The following NEGR1 variants were observed in gnomAD, a reference collection of about 807,000 sequenced individuals.
NEGR1 encodes neuronal growth regulator 1, also known as IgLON family member 4.
NEGR1 carries 10 observed loss-of-function variants against 40.9 expected under a neutral mutation model. That is an observed-to-expected ratio of 0.24 (90% CI 0.15 to 0.42). The LOEUF (loss-of-function observed/expected upper bound fraction) is 0.42. Among genes scored for constraint, NEGR1 ranks in the 10% least tolerant of loss-of-function variants. The pLI is 1.00. For missense variants in NEGR1, 352 were observed against 438.9 expected (o/e 0.80, Z 1.77); for synonymous variants, 185 against 166.8 (o/e 1.11, Z -0.84).
intron 1 of NEGR1, among the ~76,000 whole-genome samples, chr1:71,962,813 A>T (rs941510870): frequency 6.6e-6 from 1 of 151,306 alleles, no homozygotes; most frequent in East Asian, 1.9e-4. Context: ...TCTTCATCTC[A>T]ACTGAAAAAA....
chr1:72,051,847 T>G (rs777893309), intron 1 of NEGR1, among the ~76,000 whole-genome samples: 2 of 151,492 alleles, frequency 1.3e-5, no homozygotes, highest in Non-Finnish European at 3.0e-5. Flanking sequence ...GCCAGGGTCT[T>G]GAATCACTGC....
intron 2 of NEGR1, among the ~76,000 whole-genome samples, chr1:71,873,250 A>G (rs1660331789): frequency 6.6e-6 from 1 of 151,674 alleles, no homozygotes; most frequent in Non-Finnish European, 1.5e-5. Context: ...TTTGGAAAAC[A>G]TATGTAAATA....
At chr1:72,170,154 A>T (rs935897444) in intron 1 of NEGR1, among the ~76,000 whole-genome samples, 2 of 152,186 alleles carry the variant, frequency 1.3e-5, no homozygotes, top group African/African-American at 2.4e-5. Flanking sequence ...GTTCCTCCAC[A>T]GCGCTCAGGG....
At chr1:71,491,331 G>A (rs1345707928) in intron 6 of NEGR1, among the ~76,000 whole-genome samples, 2 of 152,026 alleles carry the variant, frequency 1.3e-5, no homozygotes, top group Non-Finnish European at 2.9e-5. Context: ...TGATATCCAA[G>A]GGAGGTCTGA....
rs147944885 is a variant in NEGR1 at position 72,257,612 on chromosome 1, A to C, written c.176+24707T>G. 7.6e-3 allele frequency among the ~76,000 whole-genome samples: 1,159 copies of C among 152,284 alleles called. 15 individuals are homozygous for C. The highest frequency in any genetic ancestry group is 0.027 in the African/African-American group (1,114 of 41,554). On this transcript the variant is annotated intron_variant, in intron 1 of 6. Coordinates refer to ENST00000357731, the MANE Select transcript of NEGR1 (RefSeq NM_173808.3). ...ATTAGTAATTTTCTCCAACATGAATAAAGTGAAGGGGCAAAAGGAGAAGGT... is the reference window on the plus strand; with the variant it reads ...ATTAGTAATTTTCTCCAACATGAATCAAGTGAAGGGGCAAAAGGAGAAGGT...
At chr1:71,709,396 G>T (rs1654006909) in intron 3 of NEGR1, among the ~76,000 whole-genome samples, 1 of 152,166 alleles carries the variant, frequency 6.6e-6, no homozygotes, top group South Asian at 2.1e-4. Context: ...TTTATCTAAT[G>T]ATTAGTAATG....
chr1:71,626,055 A>C (rs1478082254), intron 4 of NEGR1, among the ~76,000 whole-genome samples: 1 of 151,792 alleles, frequency 6.6e-6, no homozygotes, highest in Non-Finnish European at 1.5e-5. Context: ...CTAATGCCTG[A>C]TGATCTGAGG....
chr1:71,550,306 A>G (rs935885158), intron 6 of NEGR1, among the ~76,000 whole-genome samples: 1 of 151,646 alleles, frequency 6.6e-6, no homozygotes, highest in African/African-American at 2.4e-5. Flanking sequence ...TATAAATGGC[A>G]TAATATTTTA....
intron 1 of NEGR1, among the ~76,000 whole-genome samples, chr1:72,262,175 G>A (rs375039007): frequency 1.3e-5 from 2 of 151,962 alleles, no homozygotes; most frequent in African/African-American, 4.8e-5. Context: ...ACTCGGAAAC[G>A]TGAGTGGCCA....
intron 1 of NEGR1, among the ~76,000 whole-genome samples, chr1:72,225,239 T>C (rs770346522): frequency 5.3e-5 from 8 of 151,966 alleles, no homozygotes; most frequent in Non-Finnish European, 1.2e-4. Context: ...ACAATTTTAT[T>C]TGAATACAAG....
chr1:72,050,146 C>A (rs1372034968), intron 1 of NEGR1, among the ~76,000 whole-genome samples: 2 of 151,340 alleles, frequency 1.3e-5, no homozygotes, highest in Non-Finnish European at 3.0e-5. Context: ...TTAAGAAAAT[C>A]ATAATTTAAA....
intron 2 of NEGR1, among the ~76,000 whole-genome samples, chr1:71,839,761 C>T (rs1201246984): frequency 6.6e-6 from 1 of 152,098 alleles, no homozygotes; most frequent in Non-Finnish European, 1.5e-5. Context: ...ATAAAGCAAT[C>T]TCCACCCTTA....
At chr1:71,774,995 G>A (rs1656453238) in intron 3 of NEGR1, among the ~76,000 whole-genome samples, 1 of 152,136 alleles carries the variant, frequency 6.6e-6, no homozygotes, top group Admixed American at 6.5e-5. Context: ...TCCTGCACAA[G>A]CTACATAAAC....
At chr1:71,816,629 G>A (rs1300239668) in intron 2 of NEGR1, among the ~76,000 whole-genome samples, 33 of 151,996 alleles carry the variant, frequency 2.2e-4, no homozygotes, top group Admixed American at 2.2e-3. Context: ...TCCCAGGATA[G>A]GTGGGGATTA....
At chr1:71,424,055 C>A in intron 6 of NEGR1, among the ~76,000 whole-genome samples, 1 of 148,674 alleles carries the variant, frequency 6.7e-6, no homozygotes. Context: ...TAAGGCATAA[C>A]TGTCAGACGC....
At chr1:71,783,618 A>G (rs1234374746) in intron 2 of NEGR1, among the ~76,000 whole-genome samples, 1 of 152,204 alleles carries the variant, frequency 6.6e-6, no homozygotes, top group Non-Finnish European at 1.5e-5. Flanking sequence ...ATACCTACAG[A>G]TAAAATATGC....
intron 4 of NEGR1, among the ~76,000 whole-genome samples, chr1:71,685,529 C>G (rs1482321538): frequency 2.0e-5 from 3 of 152,066 alleles, no homozygotes; most frequent in East Asian, 1.9e-4. Flanking sequence ...ACCATATTGG[C>G]CAGCCTGCTC....
intron 6 of NEGR1, among the ~76,000 whole-genome samples, chr1:71,460,716 G>A (rs1646708583): frequency 6.6e-6 from 1 of 152,076 alleles, no homozygotes; most frequent in Non-Finnish European, 1.5e-5. Flanking sequence ...GATAAAGCAG[G>A]GAAAATTTTG....
chr1:71,401,247 G>A lies in NEGR1; in HGVS notation c.*6199C>T, dbSNP rs541592986. 4 of 152,132 alleles carry A rather than the reference G, an allele frequency of 2.6e-5. No homozygotes were observed. The East Asian group carries it at 7.8e-4, about 30-fold the overall frequency. 9.4% of individuals were successfully genotyped at this position (152,132 alleles called of 1,614,324 possible). On this transcript the variant is annotated 3_prime_UTR_variant, in exon 7 of 7. Transcript: ENST00000357731. ...ACAGATATGGAAATAAATTCTGAGGGGTAAAGATTCAATTGAATTCTCCTC... is the reference window on the plus strand; with the variant it reads ...ACAGATATGGAAATAAATTCTGAGGAGTAAAGATTCAATTGAATTCTCCTC...
Sources: gnomAD v4.1 joint callset for allele counts (sites outside exome capture counted in the v4.1 genomes callset) on GRCh38, gnomAD v4.1.1 for gene constraint, MANE v1.5 for transcripts, NCBI Gene and HGNC (gene_info 2026-07-23, HGNC 2026-07-21) for gene names.